Variants in ATAD2B observed in about 807,000 individuals in gnomAD.
The protein encoded by ATAD2B is ATPase family AAA domain containing 2B.
In ATAD2B, 40 loss-of-function variants were observed where a neutral mutation model predicts 167.6. The ratio of observed to expected loss-of-function variants is 0.24; its 90% CI spans 0.19 to 0.31. ATAD2B has a LOEUF of 0.31. Ranked by LOEUF, ATAD2B falls within the 10% of genes least tolerant of loss-of-function variation. The pLI is 1.00. For synonymous variants in ATAD2B, 579 were observed against 596.5 expected (o/e 0.97, Z 0.43); for missense variants, 1,242 against 1,757.2 (o/e 0.71, Z 5.24).
At chr2:23,710,341 G>A in the ATAD2B span, among the ~76,000 whole-genome samples, 2 of 152,170 alleles carry the variant, frequency 1.3e-5, no homozygotes, top group Non-Finnish European at 2.9e-5. Context: ...AATGGCAGTT[G>A]TTAAATAATG....
intron 14 of ATAD2B, chr2:23,832,155 A>G (rs1253943292): frequency 6.6e-6 from 3 of 456,002 alleles, no homozygotes; most frequent in Admixed American, 5.0e-5. Context: ...TCATTGATAC[A>G]TTTTCTTCAC....
the ATAD2B span, among the ~76,000 whole-genome samples, chr2:23,720,856 C>G: frequency 6.6e-6 from 1 of 150,976 alleles, no homozygotes; most frequent in Non-Finnish European, 1.5e-5. Context: ...CACACCCCCA[C>G]CCTCACCCAC....
At chr2:23,684,300 T>A in the ATAD2B span, 1 of 902,724 alleles carries the variant, frequency 1.1e-6, no homozygotes, top group South Asian at 3.4e-5. This position sits in a 1 kb window ranked among gnomAD's most constrained non-coding sequence, Gnocchi z 4.4. Flanking sequence ...GTATTTCCTA[T>A]TTCTCTACTT....
intron 20 of ATAD2B, 87 bp from the exon 21 acceptor site, chr2:23,786,310 A>G: frequency 1.9e-6 from 2 of 1,066,354 alleles, no homozygotes; most frequent in Non-Finnish European, 2.7e-6. Context: ...TCTTTAAAGA[A>G]AAGAATTACA....
chr2:23,695,503 T>G, the ATAD2B span: 1 of 732,386 alleles, frequency 1.4e-6, no homozygotes. This position sits in a 1 kb window ranked among gnomAD's most constrained non-coding sequence, Gnocchi z 7.6. Context: ...GTATCTACAC[T>G]CCCAAGCCTA....
At chr2:23,818,531 G>GA (rs1250752479) in intron 17 of ATAD2B, among the ~76,000 whole-genome samples, 3 of 151,448 alleles carry the variant, frequency 2.0e-5, no homozygotes, top group Non-Finnish European at 4.4e-5. Flanking sequence ...AACATATGAA[G>GA]AAAAAAAGAG....
At chr2:23,783,979 TTAC>T (rs1238597344) in intron 21 of ATAD2B, among the ~76,000 whole-genome samples, 1 of 152,068 alleles carries the variant, frequency 6.6e-6, no homozygotes, top group Non-Finnish European at 1.5e-5. Flanking sequence ...ATGTTTAGGA[TTAC>T]TTATAAAAAA....
At chr2:23,731,494 A>G in the ATAD2B span, among the ~76,000 whole-genome samples, 2 of 152,232 alleles carry the variant, frequency 1.3e-5, no homozygotes, top group Non-Finnish European at 2.9e-5. Flanking sequence ...CCACTTATGA[A>G]GCAGTCTTGG....
chr2:23,741,283 T>C, the ATAD2B span, among the ~76,000 whole-genome samples: 3,378 of 152,288 alleles, frequency 0.022, 381 homozygotes, highest in Admixed American at 0.19. Context: ...GGAGGCATCA[T>C]GCTACCTGAC....
chr2:23,698,738 C>T, the ATAD2B span, among the ~76,000 whole-genome samples: 11 of 152,212 alleles, frequency 7.2e-5, no homozygotes, highest in East Asian at 1.5e-3. Context: ...GATAGCAGAA[C>T]GCCTCACTCG....
rs938921205 is a variant in ATAD2B at position 23,788,329 on chromosome 2, C to CTATA, written c.2776+179_2776+182dup. 4 of 625,970 alleles carry CTATA rather than the reference C, an allele frequency of 6.4e-6. No individual in the cohort carries two copies. The African/African-American group carries it at 7.3e-5, about 11-fold the overall frequency. 38.8% of individuals were successfully genotyped at this position (625,970 alleles called of 1,614,324 possible). A position where few individuals can be genotyped will look rare whatever the true frequency, so the allele number is the denominator to read the frequency against. ...CCTGTTTAGCAAAGCTTTAACAAGG[C>CTATA]TATACTTCCCAATCTCAAGTCAGGT... On this transcript the variant is annotated intron_variant, in intron 20 of 27. Transcript: ENST00000238789.
chr2:23,837,867 A>G (rs1008296050), intron 13 of ATAD2B, among the ~76,000 whole-genome samples: 3 of 152,208 alleles, frequency 2.0e-5, no homozygotes, highest in African/African-American at 7.2e-5. Context: ...TATTTTCTGC[A>G]TATTTTAGAG....
Position 23,757,769 on chromosome 2 carries a change from G to C in ATAD2B, c.3727C>G (p.Leu1243Val). Residue 1243 changes from leucine (L) to valine (V), a missense_variant, in exon 25 of 28, where the codon CTA becomes GTA. Physicochemically the swap from Leu to Val is conservative, Grantham distance 32 (BLOSUM62 1). Around this residue, in one of 9 missense-constraint regions of ATAD2B, gnomAD observed 282 missense variants for 346.8 expected, o/e 0.81. Coordinates refer to ENST00000238789, the MANE Select transcript of ATAD2B (RefSeq NM_017552.4). The stretch of plus-strand genomic sequence containing the variant: ...AAGGAACTGCTGCTGTTGACCAGTA[G>C]AGATTCATTTGAACTTTCCTCCTCA... ...STEEESSNESLLVNSSSSLNP... is the reference protein window; with the variant it reads ...STEEESSNESVLVNSSSSLNP... 3.8e-6 allele frequency: 6 copies of C among 1,587,718 alleles called. No individual in the cohort carries two copies. Among genetic ancestry groups the C allele is most frequent in the Non-Finnish European group, 5.1e-6 (6 of 1,170,886 alleles).
intron 1 of ATAD2B, among the ~76,000 whole-genome samples, chr2:23,906,874 T>C (rs551920298): frequency 6.6e-6 from 1 of 151,906 alleles, no homozygotes; most frequent in African/African-American, 2.4e-5. Flanking sequence ...AACCACATGA[T>C]TATCTCAATA....
At chr2:23,754,389 A>C (rs1162951623) in intron 26 of ATAD2B, 82 bp from the exon 27 acceptor site, 32 of 1,362,656 alleles carry the variant, frequency 2.3e-5, no homozygotes, top group African/African-American at 6.0e-5. Context: ...GCTAGTCAAT[A>C]AACACCATAA....
intron 24 of ATAD2B, 59 bp downstream of exon 24, chr2:23,762,150 C>T (rs1676826208): frequency 1.2e-5 from 18 of 1,553,460 alleles, no homozygotes; most frequent in Non-Finnish European, 1.4e-5. Flanking sequence ...CAATTCCTAA[C>T]ATATCTACAT....
intron 20 of ATAD2B, among the ~76,000 whole-genome samples, chr2:23,786,591 CTTTTA>C (rs1467462916): frequency 6.6e-6 from 1 of 152,038 alleles, no homozygotes; most frequent in Non-Finnish European, 1.5e-5. Context: ...CAGTATTATA[CTTTTA>C]TGAGGCCACC....
rs1704992263 is a variant in ATAD2B, at chr2:23,927,000, G to A, written c.-230C>T. ...GGCGGTGCTGCAGACCGGCAGCACA[G>A]ACACTCCGCCGGCTTCGCCCTCCTC... On this transcript the variant is annotated 5_prime_UTR_variant, in exon 1 of 28. Transcript: ENST00000238789. 3.9e-6 allele frequency: 2 copies of A among 515,528 alleles called. No individual in the cohort carries two copies. The highest frequency in any genetic ancestry group is 2.0e-5 in the African/African-American group (1 of 49,252). The allele number at this position is 515,528 out of a possible 1,614,324, so 31.9% of individuals were successfully genotyped here.
chr2:23,728,843 T>C, the ATAD2B span, among the ~76,000 whole-genome samples: 1 of 152,226 alleles, frequency 6.6e-6, no homozygotes, highest in Admixed American at 6.5e-5. Flanking sequence ...GAAATTGTAT[T>C]AGTTCATTCT....
Sources: allele counts gnomAD v4.1 joint callset (sites outside exome capture counted in the v4.1 genomes callset), GRCh38; gene constraint gnomAD v4.1.1; regional missense constraint gnomAD v4.1.1; non-coding constraint Gnocchi (gnomAD v3.1); transcripts MANE v1.5; gene names NCBI Gene and HGNC (gene_info 2026-07-23, HGNC 2026-07-21).